The following FAM219A variants were observed in gnomAD, a reference collection of about 807,000 sequenced individuals.
FAM219A encodes the protein protein FAM219A.
In FAM219A, 7 loss-of-function variants were observed where a neutral mutation model predicts 23.4. The observed-to-expected ratio is 0.30, with a 90% confidence interval of 0.17 to 0.56. The LOEUF (loss-of-function observed/expected upper bound fraction) is 0.56. Ranked by LOEUF, FAM219A falls within the 20% of genes least tolerant of loss-of-function variation. The pLI, the probability that FAM219A is intolerant of heterozygous loss-of-function variation, is 0.92. For synonymous variants in FAM219A, 93 were observed against 99.0 expected (o/e 0.94, Z 0.36); for missense variants, 166 against 246.9 (o/e 0.67, Z 2.20).
At chr9:34,421,718 C>T (rs766585573) in intron 1 of FAM219A, among the ~76,000 whole-genome samples, 1 of 151,104 alleles carries the variant, frequency 6.6e-6, no homozygotes, top group Non-Finnish European at 1.5e-5. Context: ...CCCCATACAA[C>T]CTCTACCTCT....
intron 1 of FAM219A, among the ~76,000 whole-genome samples, chr9:34,434,112 G>T (rs1025557808): frequency 6.8e-6 from 1 of 146,772 alleles, no homozygotes; most frequent in Non-Finnish European, 1.5e-5. Flanking sequence ...TGAGGCAGGA[G>T]AATGGCGTGA....
chr9:34,429,486 A>G (rs1205824222), intron 1 of FAM219A, among the ~76,000 whole-genome samples: 1 of 152,230 alleles, frequency 6.6e-6, no homozygotes, highest in African/African-American at 2.4e-5. Flanking sequence ...ACCTGTAGGT[A>G]GAGGAGGAAC....
chr9:34,449,751 C>T (rs1274698912), intron 1 of FAM219A, among the ~76,000 whole-genome samples: 2 of 152,208 alleles, frequency 1.3e-5, no homozygotes, highest in Non-Finnish European at 2.9e-5. Context: ...GTTAAATAAG[C>T]TTGGGAAACA....
In FAM219A at chr9:34,457,908, CCTG is replaced by C. The variant is rs1823812770; in HGVS notation, c.60+293_60+295del. Among the ~76,000 whole-genome samples the C allele has an allele frequency of 6.6e-6, 1 of 152,222 alleles. No individual in the cohort carries two copies. The highest frequency in any genetic ancestry group is 2.1e-4 in the South Asian group (1 of 4,832). On this transcript the variant is annotated intron_variant, in intron 1 of 5. Transcript: ENST00000651358. The surrounding 1 kb of genome is among the most constrained non-coding windows in gnomAD (Gnocchi z 5.1). ...CCCCATGGCAGTTCCCTCGCCAGTC[CCTG>C]CTATGGGCCTCCACTAGCGGTGTGC... is the stretch of plus-strand genomic sequence containing the variant.
chr9:34,456,615 G>GA (rs1055399561), intron 1 of FAM219A, among the ~76,000 whole-genome samples: 8 of 152,298 alleles, frequency 5.3e-5, no homozygotes, highest in African/African-American at 1.9e-4. Context: ...AGGTTAGCTA[G>GA]AAAGAGAACT....
At chr9:34,453,661 T>G (rs1823638192) in intron 1 of FAM219A, among the ~76,000 whole-genome samples, 1 of 152,174 alleles carries the variant, frequency 6.6e-6, no homozygotes, top group African/African-American at 2.4e-5. Context: ...ACAGTAACAT[T>G]TCTTTCAGCT....
At position 34,426,339 on chromosome 9, in the gene FAM219A, T is replaced by C. The variant is rs532437657; in HGVS notation, c.61-20375A>G. Among the ~76,000 whole-genome samples the C allele has an allele frequency of 1.3e-4, 20 of 152,114 alleles. No individual in the cohort carries two copies. In the South Asian group the frequency reaches 3.9e-3, roughly 30 times the overall value. On this transcript the variant is annotated intron_variant, in intron 1 of 5. Transcript: ENST00000651358. ...TATGTCCAGGTGGGGCTAAGATGAG[T>C]TGTATCTTTATAGATAGGAGAAATG...
chr9:34,434,224 AAAAG>A (rs1822823772), intron 1 of FAM219A, among the ~76,000 whole-genome samples: 1 of 150,630 alleles, frequency 6.6e-6, no homozygotes, highest in Non-Finnish European at 1.5e-5. Flanking sequence ...AAAAAAAAAA[AAAAG>A]AATGAAGTGG....
intron 1 of FAM219A, among the ~76,000 whole-genome samples, chr9:34,429,989 C>T (rs905992648): frequency 1.3e-5 from 2 of 152,138 alleles, no homozygotes; most frequent in African/African-American, 2.4e-5. Flanking sequence ...CTCCTACTAT[C>T]CTGAAGTATT....
intron 1 of FAM219A, among the ~76,000 whole-genome samples, chr9:34,422,480 C>G (rs539050050): frequency 6.6e-6 from 1 of 152,226 alleles, no homozygotes; most frequent in Non-Finnish European, 1.5e-5. Flanking sequence ...AGAACTTACA[C>G]CTCTGTGGGA....
chr9:34,446,997 C>T (rs909985345), intron 1 of FAM219A, among the ~76,000 whole-genome samples: 2 of 152,226 alleles, frequency 1.3e-5, no homozygotes, highest in African/African-American at 4.8e-5. Context: ...TTTCTGTCCA[C>T]TCAAGCACTA....
rs1823828387 is a variant in FAM219A, at chr9:34,458,175, C to A, written c.60+29G>T. The A allele has an allele frequency of 4.4e-6, 7 of 1,574,980 alleles. No homozygotes were observed. Among genetic ancestry groups the A allele is most frequent in the African/African-American group, 1.4e-5 (1 of 73,488 alleles). ...CCCCTCAAGCGACGCCCCCTCCGGC[C>A]TTGGCCTGCCCGCCGCCCGCCCCCT... On this transcript the variant is annotated intron_variant, in intron 1 of 5. Coordinates refer to ENST00000651358, the MANE Select transcript of FAM219A (RefSeq NM_001184940.2). This position sits in a 1 kb window ranked among gnomAD's most constrained non-coding sequence, Gnocchi z 6.6.
At chr9:34,407,946 T>G (rs1227851425) in intron 1 of FAM219A, among the ~76,000 whole-genome samples, 1 of 152,186 alleles carries the variant, frequency 6.6e-6, no homozygotes, top group Non-Finnish European at 1.5e-5. Flanking sequence ...TGCTTGTCAC[T>G]AACGGGAAAG....
rs369624638 is a variant in FAM219A, at chr9:34,401,155, G to A, written c.400-33C>T. On this transcript the variant is annotated intron_variant, in intron 5 of 5. Coordinates refer to ENST00000651358, the MANE Select transcript of FAM219A (RefSeq NM_001184940.2). Reference sequence around the variant, plus strand: ...CAAAGGGGAGGGAGGTCAGGCCCGAGCGGCAGGGAGGCACCACCCACAGCT... The same window carrying A: ...CAAAGGGGAGGGAGGTCAGGCCCGAACGGCAGGGAGGCACCACCCACAGCT... The A allele has an allele frequency of 5.0e-6, 8 of 1,606,502 alleles. No individual in the cohort carries two copies. The African/African-American group carries it at 8.0e-5, about 16-fold the overall frequency.
chr9:34,450,963 C>T lies in FAM219A; in HGVS notation c.60+7241G>A, dbSNP rs186220766. ...TTGCATGCACACTCACATACCTCAC[C>T]GCCATCACAGAAACTTAAAATTGAC... On this transcript the variant is annotated intron_variant, in intron 1 of 5. Coordinates refer to ENST00000651358, the MANE Select transcript of FAM219A (RefSeq NM_001184940.2). Among the ~76,000 whole-genome samples the T allele has an allele frequency of 4.6e-5, 7 of 152,272 alleles. No individual in the cohort carries two copies. In the East Asian group the frequency reaches 1.2e-3, roughly 25 times the overall value.
At chr9:34,402,658 A>G (rs1821490135) in intron 3 of FAM219A, 47 bp downstream of exon 3, 1 of 1,600,990 alleles carries the variant, frequency 6.2e-7, no homozygotes. Flanking sequence ...ACCAGCAGAA[A>G]TAGGTCCTGG....
rs1002062666 is a variant in FAM219A at position 34,417,613 on chromosome 9, A to C, written c.61-11649T>G. Among the ~76,000 whole-genome samples the C allele has an allele frequency of 9.2e-5, 14 of 152,212 alleles. No homozygotes were observed. The highest frequency in any genetic ancestry group is 3.4e-4 in the African/African-American group (14 of 41,458). On this transcript the variant is annotated intron_variant, in intron 1 of 5. Transcript: ENST00000651358. This position sits in a 1 kb window ranked among gnomAD's most constrained non-coding sequence, Gnocchi z 4.1. ...AGATATTGCCAAAATGCTTTCCCAA[A>C]GGATTGTTCCAATTTACAATGCCTC...
At chr9:34,402,202 C>A in intron 4 of FAM219A, 185 bp downstream of exon 4, 2 of 1,539,894 alleles carry the variant, frequency 1.3e-6, no homozygotes, top group South Asian at 1.2e-5. Flanking sequence ...CTCTCTCTGC[C>A]ACCTCTCTTC....
intron 1 of FAM219A, among the ~76,000 whole-genome samples, chr9:34,445,052 T>A (rs1456969348): frequency 1.3e-5 from 2 of 152,236 alleles, no homozygotes; most frequent in East Asian, 3.8e-4. Context: ...CCCATCCCTG[T>A]ATTCCCCTGA....
Sources: allele counts gnomAD v4.1 joint callset (sites outside exome capture counted in the v4.1 genomes callset), GRCh38; gene constraint gnomAD v4.1.1; non-coding constraint Gnocchi (gnomAD v3.1); transcripts MANE v1.5; gene names NCBI Gene and HGNC (gene_info 2026-07-23, HGNC 2026-07-21).